Variants in PTPRO observed in about 807,000 individuals in gnomAD.
The protein encoded by PTPRO is receptor-type tyrosine-protein phosphatase O.
Under a neutral mutation model 145.2 loss-of-function variants are expected in PTPRO, and 62 were observed. That is an observed-to-expected ratio of 0.43 (90% CI 0.35 to 0.53). The LOEUF is 0.53. Ranked by LOEUF, PTPRO falls within the 20% of genes least tolerant of loss-of-function variation. The probability of loss-of-function intolerance (pLI) is 0.01; values close to 1 mark genes in which losing one functional copy is unlikely to be tolerated. For missense variants in PTPRO, 1,345 were observed against 1,482.7 expected (o/e 0.91, Z 1.53); for synonymous variants, 565 against 514.7 (o/e 1.10, Z -1.32).
chr12:15,371,612 A>ATG (rs1033031229), intron 1 of PTPRO, among the ~76,000 whole-genome samples: 4 of 152,046 alleles, frequency 2.6e-5, no homozygotes, highest in African/African-American at 9.7e-5. Context: ...ATAATATTGT[A>ATG]TGTGTGTGTG....
At chr12:15,520,659 T>G (rs775758644) in intron 10 of PTPRO, among the ~76,000 whole-genome samples, 1 of 152,172 alleles carries the variant, frequency 6.6e-6, no homozygotes, top group Non-Finnish European at 1.5e-5. Flanking sequence ...ATATGATGAT[T>G]ATATTTGTTA....
rs1271749733 is a variant in PTPRO at position 15,551,449 on chromosome 12, C to G, written c.2438-102C>G. On this transcript the variant is annotated intron_variant, in intron 14 of 26. Coordinates refer to ENST00000281171, the MANE Select transcript of PTPRO (RefSeq NM_030667.3). ...TGATTGTTACTATTATTGGTATCAT[C>G]GTAAGCTCACTGCCCTTAAGACTAG... 2.1e-6 allele frequency: 3 copies of G among 1,413,112 alleles called. No homozygotes were observed. In the East Asian group the frequency reaches 6.9e-5, roughly 32 times the overall value. 87.5% of individuals were successfully genotyped at this position (1,413,112 alleles called of 1,614,324 possible).
intron 18 of PTPRO, among the ~76,000 whole-genome samples, chr12:15,568,577 A>C (rs1444370453): frequency 6.6e-6 from 1 of 152,224 alleles, no homozygotes; most frequent in Non-Finnish European, 1.5e-5. Context: ...AGAATGTGGA[A>C]TTCTGCAGAA....
chr12:15,570,064 T>C (rs1300788317), intron 19 of PTPRO, among the ~76,000 whole-genome samples: 1 of 152,216 alleles, frequency 6.6e-6, no homozygotes, highest in Non-Finnish European at 1.5e-5. Flanking sequence ...AGAAAAAAAT[T>C]GACAACATCT....
intron 1 of PTPRO, among the ~76,000 whole-genome samples, chr12:15,471,044 T>C (rs1181592341): frequency 6.6e-6 from 1 of 152,196 alleles, no homozygotes. Context: ...ATTACCTGCC[T>C]GACAGTAATT....
chr12:15,425,327 G>A (rs1226671346), intron 1 of PTPRO, among the ~76,000 whole-genome samples: 1 of 152,032 alleles, frequency 6.6e-6, no homozygotes, highest in Non-Finnish European at 1.5e-5. Flanking sequence ...TATGGGGAAG[G>A]TATTAACATG....
intron 2 of PTPRO, among the ~76,000 whole-genome samples, chr12:15,485,261 C>T (rs1941861425): frequency 6.6e-6 from 1 of 151,934 alleles, no homozygotes; most frequent in South Asian, 2.1e-4. Flanking sequence ...GTAGTGAGTC[C>T]TAAAAATTAG....
intron 1 of PTPRO, among the ~76,000 whole-genome samples, chr12:15,404,068 T>C (rs144113360): frequency 0.079 from 11,820 of 150,552 alleles, 537 homozygotes; most frequent in African/African-American, 0.12. Context: ...TGGTGGCGGG[T>C]GCCTGTAGTC....
chr12:15,576,525 G>A (rs1342340752), intron 19 of PTPRO, among the ~76,000 whole-genome samples: 2 of 152,168 alleles, frequency 1.3e-5, no homozygotes, highest in African/African-American at 2.4e-5. Flanking sequence ...TGTATCTGAG[G>A]CCTTTTCCCA....
chr12:15,577,874 C>T (rs747445420), intron 19 of PTPRO, among the ~76,000 whole-genome samples: 4 of 152,298 alleles, frequency 2.6e-5, no homozygotes, highest in East Asian at 3.9e-4. Flanking sequence ...GTGGCCTGAC[C>T]GTAATCCCCG....
intron 1 of PTPRO, among the ~76,000 whole-genome samples, chr12:15,434,295 A>T (rs1940535246): frequency 6.6e-6 from 1 of 152,228 alleles, no homozygotes. Context: ...TTTCATATCA[A>T]ATTTCAAAAT....
At chr12:15,531,112 T>A (rs1446944227) in intron 12 of PTPRO, among the ~76,000 whole-genome samples, 2 of 152,004 alleles carry the variant, frequency 1.3e-5, no homozygotes, top group Non-Finnish European at 2.9e-5. Context: ...ATTGGAAAAC[T>A]AGAAGAAATG....
intron 15 of PTPRO, among the ~76,000 whole-genome samples, chr12:15,552,691 C>A (rs1467987883): frequency 6.6e-6 from 1 of 150,870 alleles, no homozygotes. Context: ...AAATAAGCTT[C>A]TTGAAGGTTG....
chr12:15,459,142 T>A (rs1175559752), intron 1 of PTPRO, among the ~76,000 whole-genome samples: 1 of 152,180 alleles, frequency 6.6e-6, no homozygotes, highest in Non-Finnish European at 1.5e-5. Flanking sequence ...CCTCAGGCAA[T>A]CCCTGGAAAA....
chr12:15,517,221 T>G (rs1839774016), intron 9 of PTPRO, among the ~76,000 whole-genome samples: 1 of 152,174 alleles, frequency 6.6e-6, no homozygotes, highest in African/African-American at 2.4e-5. Flanking sequence ...AGTCATGTCT[T>G]ATACAGATGG....
chr12:15,539,352 A>T (rs981866448), intron 12 of PTPRO, among the ~76,000 whole-genome samples: 2 of 152,200 alleles, frequency 1.3e-5, no homozygotes, highest in African/African-American at 4.8e-5. Context: ...GTTAAATGGG[A>T]GCTTTCTCTG....
chr12:15,571,988 A>G (rs1336531128), intron 19 of PTPRO, among the ~76,000 whole-genome samples: 2 of 152,236 alleles, frequency 1.3e-5, no homozygotes, highest in Admixed American at 1.3e-4. Flanking sequence ...TATTCATTCA[A>G]TGGATAAATG....
At chr12:15,426,048 A>C (rs1017531644) in intron 1 of PTPRO, among the ~76,000 whole-genome samples, 1 of 151,618 alleles carries the variant, frequency 6.6e-6, no homozygotes, top group Admixed American at 6.6e-5. Flanking sequence ...TAACTTTTTC[A>C]TACTAGAATA....
intron 12 of PTPRO, among the ~76,000 whole-genome samples, chr12:15,527,632 G>A (rs571468125): frequency 6.6e-6 from 1 of 152,302 alleles, no homozygotes; most frequent in South Asian, 2.1e-4. Flanking sequence ...ACACTGCCAG[G>A]ATAATTCCTT....
Sources: gnomAD v4.1 joint callset for allele counts (sites outside exome capture counted in the v4.1 genomes callset) on GRCh38, gnomAD v4.1.1 for gene constraint, MANE v1.5 for transcripts, NCBI Gene and HGNC (gene_info 2026-07-23, HGNC 2026-07-21) for gene names.